EVA1A: variants seen among roughly 807,000 people sequenced by gnomAD.
EVA1A encodes eva-1 homolog A, regulator of programmed cell death.
A neutral mutation model predicts 9.8 loss-of-function variants in EVA1A; 7 were observed. The observed-to-expected ratio is 0.71, with a 90% CI of 0.41 to 1.34. The LOEUF is 1.34. Ranked by LOEUF, EVA1A falls within the 40% of genes most tolerant of loss-of-function variation. The probability of loss-of-function intolerance (pLI) is 0.01; values close to 1 mark genes in which losing one functional copy is unlikely to be tolerated. For missense variants in EVA1A, 206 were observed against 205.9 expected (o/e 1.00, Z 0.00); for synonymous variants, 90 against 85.6 (o/e 1.05, Z -0.28).
intron 2 of EVA1A, among the ~76,000 whole-genome samples, chr2:75,520,500 A>G (rs1675196185): frequency 6.6e-6 from 1 of 152,236 alleles, no homozygotes; most frequent in Non-Finnish European, 1.5e-5. Flanking sequence ...ACAGACATGT[A>G]GCTTAATGGA....
chr2:75,496,269 T>A lies in EVA1A; in HGVS notation c.86-2660A>T, dbSNP rs1416353771. The stretch of plus-strand genomic sequence containing the variant: ...TATCACTTTTCGCAGACAATATGAT[T>A]CTATACCCAGAAAACCCTAAAAACT... On this transcript the variant is annotated intron_variant, in intron 3 of 3. Transcript: ENST00000393913. 3.3e-5 allele frequency among the ~76,000 whole-genome samples: 5 copies of A among 152,152 alleles called. No individual in the cohort carries two copies. The East Asian group carries it at 9.6e-4, about 29-fold the overall frequency.
At chr2:75,519,061 G>A (rs1675141096) in intron 2 of EVA1A, among the ~76,000 whole-genome samples, 1 of 152,206 alleles carries the variant, frequency 6.6e-6, no homozygotes. Flanking sequence ...TGGGATCTCA[G>A]TGCTCCAGCC....
intron 1 of EVA1A, among the ~76,000 whole-genome samples, chr2:75,539,216 GATAGAAA>G (rs554517509): frequency 1.4e-3 from 208 of 152,300 alleles, no homozygotes; most frequent in African/African-American, 4.9e-3. Context: ...CAGCTGAAGG[GATAGAAA>G]ATGTTTTATC....
intron 1 of EVA1A, among the ~76,000 whole-genome samples, chr2:75,539,125 T>C (rs1437042772): frequency 1.3e-5 from 2 of 152,336 alleles, no homozygotes; most frequent in African/African-American, 4.8e-5. Flanking sequence ...TGAACCATAA[T>C]CTGCACATTA....
At position 75,493,202 on chromosome 2, in the gene EVA1A, C is replaced by T. The variant is rs761796788; in HGVS notation, c.*34G>A. 10 of 1,572,856 alleles carry T rather than the reference C, an allele frequency of 6.4e-6. No individual in the cohort carries two copies. The highest frequency in any genetic ancestry group is 1.4e-5 in the African/African-American group (1 of 73,932). The stretch of plus-strand genomic sequence containing the variant: ...CCCTGCAGACGCTCTCCTTTCCAGG[C>T]GGCCTCCAGTGGTTTCCGGGGTCCT... On this transcript the variant is annotated 3_prime_UTR_variant, in exon 4 of 4. Transcript: ENST00000393913.
At chr2:75,500,797 A>C (rs926825047) in intron 3 of EVA1A, among the ~76,000 whole-genome samples, 1 of 136,412 alleles carries the variant, frequency 7.3e-6, no homozygotes, top group Non-Finnish European at 1.5e-5. Flanking sequence ...CATTATGCCC[A>C]ATGCCCAGAG....
intron 3 of EVA1A, among the ~76,000 whole-genome samples, chr2:75,514,407 A>G (rs1446135857): frequency 6.6e-6 from 1 of 152,190 alleles, no homozygotes; most frequent in East Asian, 1.9e-4. Flanking sequence ...TTTTCAGGAC[A>G]CTTAGATAAG....
intron 1 of EVA1A, among the ~76,000 whole-genome samples, chr2:75,543,596 G>A (rs564565610): frequency 6.6e-6 from 1 of 152,144 alleles, no homozygotes; most frequent in Non-Finnish European, 1.5e-5. Flanking sequence ...CAAGGAGCTG[G>A]GGGGAGAGAA....
intron 3 of EVA1A, among the ~76,000 whole-genome samples, chr2:75,513,651 T>C (rs1048570750): frequency 2.6e-5 from 4 of 152,180 alleles, no homozygotes; most frequent in African/African-American, 9.7e-5. Context: ...CATCAATGGA[T>C]GAATAGATTT....
At chr2:75,497,097 T>C (rs1674238980) in intron 3 of EVA1A, among the ~76,000 whole-genome samples, 1 of 152,154 alleles carries the variant, frequency 6.6e-6, no homozygotes, top group African/African-American at 2.4e-5. Flanking sequence ...GAAGAAAACC[T>C]AGGAAATACC....
intron 1 of EVA1A, among the ~76,000 whole-genome samples, chr2:75,543,516 T>TG (rs1263226817): frequency 6.7e-6 from 1 of 149,546 alleles, no homozygotes; most frequent in Non-Finnish European, 1.5e-5. Flanking sequence ...GGTGAGTGGG[T>TG]GAAAAAAAAA....
At chr2:75,537,604 ATTGT>A (rs1455881213) in intron 1 of EVA1A, among the ~76,000 whole-genome samples, 1 of 152,194 alleles carries the variant, frequency 6.6e-6, no homozygotes, top group Non-Finnish European at 1.5e-5. Flanking sequence ...TGCCATGGAC[ATTGT>A]CCTTCCAAAT....
chr2:75,539,669 ATCT>A (rs1279887811), intron 1 of EVA1A, among the ~76,000 whole-genome samples: 1 of 152,220 alleles, frequency 6.6e-6, no homozygotes, highest in Non-Finnish European at 1.5e-5. Context: ...GAGTACAAAG[ATCT>A]TCTTAAGTTC....
At chr2:75,542,367 C>T (rs1437264877) in intron 1 of EVA1A, 1 of 152,292 alleles carries the variant, frequency 6.6e-6, no homozygotes, top group African/African-American at 2.4e-5. Context: ...AAAGGATCCA[C>T]ACTGCCTAGA....
At chr2:75,505,999 T>C (rs1302739252) in intron 3 of EVA1A, among the ~76,000 whole-genome samples, 1 of 152,204 alleles carries the variant, frequency 6.6e-6, no homozygotes, top group African/African-American at 2.4e-5. Flanking sequence ...ATATAATTCA[T>C]ATCTTTTCCT....
At chr2:75,499,793 A>G (rs1674344427) in intron 3 of EVA1A, among the ~76,000 whole-genome samples, 1 of 152,176 alleles carries the variant, frequency 6.6e-6, no homozygotes, top group Non-Finnish European at 1.5e-5. Flanking sequence ...TCATCAGTCC[A>G]CTGACTATGC....
intron 1 of EVA1A, among the ~76,000 whole-genome samples, chr2:75,552,141 T>A (rs1676546734): frequency 6.6e-6 from 1 of 151,994 alleles, no homozygotes; most frequent in African/African-American, 2.4e-5. Flanking sequence ...GAGCTATGAT[T>A]GTGCTGCTGC....
At chr2:75,522,771 A>C (rs1386918918) in intron 1 of EVA1A, among the ~76,000 whole-genome samples, 3 of 152,240 alleles carry the variant, frequency 2.0e-5, no homozygotes, top group African/African-American at 7.2e-5. Context: ...CCTGTCAGCC[A>C]AAATCCACAA....
chr2:75,509,588 C>G (rs527255301), intron 3 of EVA1A, among the ~76,000 whole-genome samples: 2 of 152,050 alleles, frequency 1.3e-5, no homozygotes, highest in Non-Finnish European at 2.9e-5. Context: ...TGTTTTGATC[C>G]GTTCTTTCAC....
Sources: gnomAD v4.1 joint callset for allele counts (sites outside exome capture counted in the v4.1 genomes callset) on GRCh38, gnomAD v4.1.1 for gene constraint, MANE v1.5 for transcripts, NCBI Gene and HGNC (gene_info 2026-07-23, HGNC 2026-07-21) for gene names.